The following RTEL1 variants were observed in gnomAD, a reference collection of about 807,000 sequenced individuals.
RTEL1 encodes the protein regulator of telomere elongation helicase 1.
RTEL1 carries 86 observed loss-of-function variants against 162.2 expected under a neutral mutation model. The observed-to-expected ratio is 0.53, with a 90% CI of 0.45 to 0.63. The LOEUF is 0.63. Among genes scored for constraint, RTEL1 ranks in the 30% least tolerant of loss-of-function variants. The pLI is 0.00. For synonymous variants in RTEL1, 958 were observed against 717.9 expected (o/e 1.33, Z -5.35); for missense variants, 1,941 against 1,750.2 (o/e 1.11, Z -1.95).
At position 63,662,503 on chromosome 20, in the gene RTEL1, T is replaced by C. The variant is rs771899332; in HGVS notation, c.396-43T>C. The C allele has an allele frequency of 1.9e-5, 31 of 1,610,484 alleles. No individual in the cohort carries two copies. The South Asian group carries it at 3.1e-4, about 16-fold the overall frequency. On this transcript the variant is annotated intron_variant, in intron 4 of 34. Transcript: ENST00000360203. ...CGCTGCAGGGCCACGCTGTGGGTGT[T>C]GGAGACAGCTCCTCCTCGACCCACG...
At chr20:63,694,008 C>T (rs555740135) in intron 30 of RTEL1, among the ~76,000 whole-genome samples, 5 of 151,798 alleles carry the variant, frequency 3.3e-5, no homozygotes, top group African/African-American at 4.8e-5. Context: ...CATCTGTGTT[C>T]GTGTGTTAAT....
chr20:63,693,092 G>A (rs770577825), intron 29 of RTEL1, 51 bp from the exon 30 acceptor site: 13 of 1,611,798 alleles, frequency 8.1e-6, no homozygotes, highest in South Asian at 3.3e-5. Flanking sequence ...GGTGGTCTCT[G>A]TTCTCTAGAG....
chr20:63,690,965 T>C lies in RTEL1; in HGVS notation c.2556+18T>C. 1 of 1,543,590 alleles carries C rather than the reference T, an allele frequency of 6.5e-7. No individual in the cohort carries two copies. Among genetic ancestry groups the C allele is most frequent in the Non-Finnish European group, 8.7e-7 (1 of 1,144,694 alleles). On this transcript the variant is annotated intron_variant, in intron 27 of 34. Transcript: ENST00000360203. ...AGGAGCAGGTACAGTTCCAGGGCCT[T>C]GGGATGGACACAGACCCTCTGTCTC...
rs1464069345 is a variant in RTEL1 at position 63,685,700 on chromosome 20, G to T, written c.1267-91G>T. ...GGTGGGGGCCACCTCCAGGAGGCAG[G>T]TGGGGCTGGGGGTCTTCTGGTCCTA... On this transcript the variant is annotated intron_variant, in intron 15 of 34. Transcript: ENST00000360203. 2.5e-6 allele frequency: 4 copies of T among 1,583,140 alleles called. No homozygotes were observed. In the African/African-American group the frequency reaches 4.0e-5, roughly 16 times the overall value.
Position 63,661,652 on chromosome 20 carries a change from G to C in RTEL1, c.301+156G>C. The C allele has an allele frequency of 1.0e-6, 1 of 954,736 alleles. No individual in the cohort carries two copies. The highest frequency in any genetic ancestry group is 1.6e-6 in the Non-Finnish European group (1 of 645,004). The allele number at this position is 954,736 out of a possible 1,614,324, so 59.1% of individuals were successfully genotyped here. Reference sequence around the variant, plus strand: ...GCTGTATAATTTCTCGCCATCGTGGGTGTAAACCTAGGGTTGGGCTTTTTT... The same window carrying C: ...GCTGTATAATTTCTCGCCATCGTGGCTGTAAACCTAGGGTTGGGCTTTTTT... On this transcript the variant is annotated intron_variant, in intron 3 of 34. Coordinates refer to ENST00000360203, the MANE Select transcript of RTEL1 (RefSeq NM_001283009.2). The surrounding 1 kb of genome is among the most constrained non-coding windows in gnomAD (Gnocchi z 5.1).
intron 6 of RTEL1, among the ~76,000 whole-genome samples, chr20:63,664,318 C>T (rs1041290732): frequency 3.9e-5 from 6 of 152,208 alleles, no homozygotes; most frequent in Admixed American, 6.5e-5. Flanking sequence ...TCCCATGCAG[C>T]GGGGGTCCTT....
At chr20:63,689,714 A>T in intron 23 of RTEL1, 36 bp from the exon 24 acceptor site, 4 of 1,605,896 alleles carry the variant, frequency 2.5e-6, no homozygotes, top group Non-Finnish European at 3.4e-6. Context: ...CCCGTGGCCA[A>T]GGGAGCCCCC....
chr20:63,662,551 A>T lies in RTEL1; in HGVS notation c.401A>T (p.Lys134Met), dbSNP rs2146153823. ...ACGGTGCTCTCTCCCACCAGGCCTA[A>T]GGTGTGTGTGCTGGGCTCCCGGGAG... ...NELRNTSYRPKVCVLGSREQL... is the reference protein window; with the variant it reads ...NELRNTSYRPMVCVLGSREQL... The change falls in exon 5 of 35, where the codon AAG becomes ATG. Residue 134 changes from lysine to methionine, a missense_variant. By Grantham distance (95) the Lys-to-Met change is moderately conservative (BLOSUM62 -1). Transcript: ENST00000360203. 6.2e-7 allele frequency: 1 copy of T among 1,613,916 alleles called. No individual in the cohort carries two copies. Among genetic ancestry groups the T allele is most frequent in the East Asian group, 2.2e-5 (1 of 44,864 alleles).
At chr20:63,679,304 C>T (rs73317989) in intron 12 of RTEL1, among the ~76,000 whole-genome samples, 2,203 of 152,300 alleles carry the variant, frequency 0.014, 52 homozygotes, top group African/African-American at 0.05. Context: ...CCACTGTCCT[C>T]AGCGTAATGC....
At chr20:63,675,536 C>T (rs374640502) in intron 10 of RTEL1, among the ~76,000 whole-genome samples, 5 of 151,670 alleles carry the variant, frequency 3.3e-5, no homozygotes, top group East Asian at 1.9e-4. Context: ...ATTTAAGTGA[C>T]AGGGTCTCAC....
At chr20:63,686,402 G>T (rs1459692591) in intron 16 of RTEL1, 3 of 163,692 alleles carry the variant, frequency 1.8e-5, no homozygotes, top group African/African-American at 7.2e-5. Context: ...GTCTGTGAGT[G>T]TGCCCTCGGC....
In RTEL1 at chr20:63,680,768, G is replaced by A. The variant is rs773325044; in HGVS notation, c.1191+49G>A. ...TCTCCTTCCCTGATGGAAGCCGGGC[G>A]GGTGCCTTCTCCTGCTGTATTAGTT... is the stretch of plus-strand genomic sequence containing the variant. On this transcript the variant is annotated intron_variant, in intron 14 of 34. Coordinates refer to ENST00000360203, the MANE Select transcript of RTEL1 (RefSeq NM_001283009.2). 3.7e-6 allele frequency: 6 copies of A among 1,608,700 alleles called. No homozygotes were observed. In the African/African-American group the frequency reaches 5.3e-5, roughly 14 times the overall value.
At chr20:63,674,644 T>C (rs1260381858) in intron 10 of RTEL1, among the ~76,000 whole-genome samples, 2 of 150,060 alleles carry the variant, frequency 1.3e-5, no homozygotes, top group South Asian at 2.1e-4. Context: ...GAGCTTCCGG[T>C]GCCCCAGATG....
At chr20:63,685,212 G>A (rs2090565005) in intron 14 of RTEL1, among the ~76,000 whole-genome samples, 1 of 152,120 alleles carries the variant, frequency 6.6e-6, no homozygotes, top group South Asian at 2.1e-4. Flanking sequence ...GATTAATTTG[G>A]GGCCCTCAGG....
At chr20:63,687,290 C>T (rs2090618216) in intron 16 of RTEL1, 3 of 251,838 alleles carry the variant, frequency 1.2e-5, no homozygotes, top group South Asian at 2.3e-4. Context: ...CGCTTCCTTC[C>T]CGTGTGCTCT....
At chr20:63,689,206 C>T in intron 22 of RTEL1, 74 bp downstream of exon 22, 2 of 1,435,736 alleles carry the variant, frequency 1.4e-6, no homozygotes, top group Non-Finnish European at 1.9e-6. Context: ...CCCCAGCAGA[C>T]TCTGGGCCCT....
At chr20:63,659,797 C>T (rs2089981478) in intron 2 of RTEL1, among the ~76,000 whole-genome samples, 1 of 141,254 alleles carries the variant, frequency 7.1e-6, no homozygotes, top group African/African-American at 2.8e-5. Flanking sequence ...AAAAGTGGGC[C>T]CAGGGGACCG....
intron 9 of RTEL1, among the ~76,000 whole-genome samples, chr20:63,673,322 A>G (rs537454949): frequency 1.3e-4 from 20 of 152,194 alleles, no homozygotes; most frequent in Admixed American, 1.3e-3. Context: ...CGAACCCAGG[A>G]GGTAGAGGTT....
At chr20:63,664,193 G>T (rs2090077010) in intron 6 of RTEL1, among the ~76,000 whole-genome samples, 1 of 152,182 alleles carries the variant, frequency 6.6e-6, no homozygotes, top group African/African-American at 2.4e-5. Flanking sequence ...CCTGCAGGAC[G>T]TGACTCTGGG....
Sources: gnomAD v4.1 joint callset for allele counts (sites outside exome capture counted in the v4.1 genomes callset) on GRCh38, gnomAD v4.1.1 for gene constraint, Gnocchi (gnomAD v3.1) non-coding constraint, MANE v1.5 for transcripts, NCBI Gene and HGNC (gene_info 2026-07-23, HGNC 2026-07-21) for gene names.